The following SV2C variants were observed in gnomAD, a reference collection of about 807,000 sequenced individuals.
SV2C encodes solute carrier family 22 member B3.
Under a neutral mutation model 79.7 loss-of-function variants are expected in SV2C, and 49 were observed. The observed-to-expected ratio is 0.61, with a 90% CI of 0.49 to 0.78. SV2C has a LOEUF of 0.78. Among genes scored for constraint, SV2C ranks in the 30% least tolerant of loss-of-function variants. The pLI is 0.00. For synonymous variants in SV2C, 334 were observed against 333.2 expected, an observed-to-expected ratio of 1.00 and a Z score of -0.03; for missense variants, 833 against 912.9, an observed-to-expected ratio of 0.91 and a Z score of 1.13.
chr5:76,112,430 C>T (rs1209586313), intron 1 of SV2C, among the ~76,000 whole-genome samples: 3 of 152,182 alleles, frequency 2.0e-5, no homozygotes, highest in Non-Finnish European at 2.9e-5. Context: ...AAGTGTTTGG[C>T]CTCTCAGAGG....
intron 1 of SV2C, among the ~76,000 whole-genome samples, chr5:76,125,038 G>T (rs1360562383): frequency 6.6e-6 from 1 of 152,190 alleles, no homozygotes; most frequent in Non-Finnish European, 1.5e-5. Context: ...TCTGGGGTTT[G>T]TAGAGATTTG....
Position 76,288,145 on chromosome 5 carries a change from T to C in SV2C, c.1137+2275T>C, listed in dbSNP as rs543842499. ...GTCTACAGTAGGTTGGAGGGACATA[T>C]GGTAAGACATAAGTGGGAACCTAAA... On this transcript the variant is annotated intron_variant, in intron 6 of 12. Transcript: ENST00000502798. Among the ~76,000 whole-genome samples, 27 of 151,364 alleles carry C rather than the reference T, an allele frequency of 1.8e-4. No individual in the cohort carries two copies. The South Asian group carries it at 5.0e-3, about 28-fold the overall frequency.
chr5:76,073,012 T>A, the SV2C span, among the ~76,000 whole-genome samples: 1 of 152,224 alleles, frequency 6.6e-6, no homozygotes, highest in Admixed American at 6.5e-5. Context: ...TTGTCAAATG[T>A]ATAGATTGTG....
Position 76,140,882 on chromosome 5 carries a change from C to T in SV2C, c.580+8552C>T, listed in dbSNP as rs6453202. Among the ~76,000 whole-genome samples, 993 of 152,202 alleles carry T rather than the reference C, an allele frequency of 6.5e-3. 16 individuals carry two copies. The highest frequency in any genetic ancestry group is 0.023 in the African/African-American group (960 of 41,516). The stretch of plus-strand genomic sequence containing the variant: ...CTTTATTCTTTGTTGTGTATGCACC[C>T]TCTGTCTCTGTTTAGCCTCTCAGGC... On this transcript the variant is annotated intron_variant, in intron 2 of 12. Transcript: ENST00000502798.
At chr5:76,220,612 T>G (rs1239642772) in intron 4 of SV2C, among the ~76,000 whole-genome samples, 1 of 108,994 alleles carries the variant, frequency 9.2e-6, no homozygotes, top group African/African-American at 3.7e-5. Flanking sequence ...GAAGGGACAC[T>G]GTCTTAAAAA....
At chr5:76,172,876 C>T (rs1342757278) in intron 2 of SV2C, among the ~76,000 whole-genome samples, 1 of 99,032 alleles carries the variant, frequency 1.0e-5, no homozygotes, top group East Asian at 3.3e-4. Flanking sequence ...ATCACCAATC[C>T]CTAATCTCAA....
At chr5:75,917,703 G>A in the SV2C span, among the ~76,000 whole-genome samples, 3 of 152,122 alleles carry the variant, frequency 2.0e-5, no homozygotes, top group Non-Finnish European at 4.4e-5. Context: ...GGTGGGAATT[G>A]TTAATAGGTA....
At chr5:76,272,691 G>T (rs913055891) in intron 4 of SV2C, among the ~76,000 whole-genome samples, 2 of 152,092 alleles carry the variant, frequency 1.3e-5, no homozygotes, top group African/African-American at 4.8e-5. Context: ...GGCCTTATCT[G>T]GTAGAGACAC....
chr5:76,123,005 CAAAT>C (rs1435147276), intron 1 of SV2C, among the ~76,000 whole-genome samples: 4 of 151,974 alleles, frequency 2.6e-5, no homozygotes, highest in Non-Finnish European at 5.9e-5. Flanking sequence ...AGAGAAGAAT[CAAAT>C]AGATGCAATA....
chr5:76,335,319 C>A (rs531010383), downstream of SV2C, among the ~76,000 whole-genome samples: 1 of 151,834 alleles, frequency 6.6e-6, no homozygotes, highest in East Asian at 1.9e-4. Context: ...CCCAGCCCAT[C>A]GCTCTATATA....
the SV2C span, among the ~76,000 whole-genome samples, chr5:75,868,886 C>A: frequency 6.6e-6 from 1 of 152,202 alleles, no homozygotes; most frequent in Admixed American, 6.5e-5. Context: ...GGTTCCCTGA[C>A]ATGAATTGCA....
chr5:76,273,498 A>T (rs1010037169), intron 4 of SV2C, among the ~76,000 whole-genome samples: 2 of 152,158 alleles, frequency 1.3e-5, no homozygotes, highest in African/African-American at 2.4e-5. Flanking sequence ...TGACCCTAAA[A>T]AAATAAGCCC....
the SV2C span, among the ~76,000 whole-genome samples, chr5:75,860,219 A>G: frequency 2.6e-5 from 4 of 152,224 alleles, no homozygotes; most frequent in African/African-American, 9.6e-5. Context: ...AACGTACAAA[A>G]GTCAGTTGCA....
the SV2C span, among the ~76,000 whole-genome samples, chr5:75,995,337 T>A: frequency 1.3e-4 from 20 of 152,190 alleles, no homozygotes; most frequent in East Asian, 3.3e-3. Context: ...GAAGTTTCTT[T>A]TTTCCTAGCC....
chr5:75,938,545 CA>C, the SV2C span, among the ~76,000 whole-genome samples: 1 of 152,032 alleles, frequency 6.6e-6, no homozygotes, highest in Non-Finnish European at 1.5e-5. Flanking sequence ...AGCTAAACAT[CA>C]AAGATACATA....
At chr5:76,295,557 G>A (rs1747723507) in intron 8 of SV2C, among the ~76,000 whole-genome samples, 1 of 152,176 alleles carries the variant, frequency 6.6e-6, no homozygotes, top group Admixed American at 6.5e-5. Flanking sequence ...TTACATACCT[G>A]GGGTTCTCCA....
At chr5:76,149,797 T>TAATC (rs1749546778) in intron 2 of SV2C, among the ~76,000 whole-genome samples, 2 of 152,216 alleles carry the variant, frequency 1.3e-5, no homozygotes, top group South Asian at 4.1e-4. Flanking sequence ...CATCTGTCCC[T>TAATC]AATCACATTT....
chr5:75,915,661 T>C, the SV2C span, among the ~76,000 whole-genome samples: 1 of 152,046 alleles, frequency 6.6e-6, no homozygotes, highest in African/African-American at 2.4e-5. Flanking sequence ...TCCCTACTCA[T>C]GAGAATAGGA....
At chr5:76,055,384 T>C in the SV2C span, among the ~76,000 whole-genome samples, 8 of 152,218 alleles carry the variant, frequency 5.3e-5, no homozygotes, top group Non-Finnish European at 1.0e-4. Flanking sequence ...AGTACCATGC[T>C]GTTTTGGTTA....
Sources: gnomAD v4.1 joint callset for allele counts (sites outside exome capture counted in the v4.1 genomes callset) on GRCh38, gnomAD v4.1.1 for gene constraint, MANE v1.5 for transcripts, NCBI Gene and HGNC (gene_info 2026-07-23, HGNC 2026-07-21) for gene names.